Variants in ADAMTSL1 observed in about 807,000 individuals in gnomAD.
ADAMTSL1 encodes the protein ADAMTS-like protein 1.
Under a neutral mutation model 201.8 loss-of-function variants are expected in ADAMTSL1, and 126 were observed. The ratio of observed to expected loss-of-function variants is 0.62; its 90% CI spans 0.54 to 0.72. ADAMTSL1 has a LOEUF of 0.72. Among genes scored for constraint, ADAMTSL1 ranks in the 30% least tolerant of loss-of-function variants. ADAMTSL1 has a pLI of 0.00. For synonymous variants in ADAMTSL1, 1,121 were observed against 903.4 expected, an observed-to-expected ratio of 1.24 and a Z score of -4.32; for missense variants, 2,679 against 2,277.8, an observed-to-expected ratio of 1.18 and a Z score of -3.59.
intron 1 of ADAMTSL1, among the ~76,000 whole-genome samples, chr9:17,969,326 A>G (rs917381273): frequency 6.6e-6 from 1 of 152,068 alleles, no homozygotes; most frequent in African/African-American, 2.4e-5. Flanking sequence ...CTTCCTCAGC[A>G]GTGAGTACAA....
intron 16 of ADAMTSL1, among the ~76,000 whole-genome samples, chr9:18,757,299 A>ATCC (rs141290322): frequency 0.013 from 1,893 of 151,012 alleles, 20 homozygotes; most frequent in Middle Eastern, 0.051. Context: ...ACTCATCATC[A>ATCC]TCCTCCTCCT....
chr9:18,538,673 A>T (rs13301259), intron 3 of ADAMTSL1, among the ~76,000 whole-genome samples: 1 of 151,932 alleles, frequency 6.6e-6, no homozygotes, highest in Non-Finnish European at 1.5e-5. Context: ...TTGACCATCC[A>T]TCTTGACTGG....
At chr9:18,785,918 C>T (rs1821682674) in intron 19 of ADAMTSL1, among the ~76,000 whole-genome samples, 1 of 152,128 alleles carries the variant, frequency 6.6e-6, no homozygotes, top group Non-Finnish European at 1.5e-5. Flanking sequence ...TTGATCATTC[C>T]CCCAAGAAAC....
chr9:18,644,210 T>C (rs193044343), intron 7 of ADAMTSL1, among the ~76,000 whole-genome samples: 79 of 152,096 alleles, frequency 5.2e-4, no homozygotes, highest in Admixed American at 3.2e-3. Context: ...TTGATGTTTA[T>C]ATGTTGATTT....
At position 18,240,772 on chromosome 9, in the gene ADAMTSL1, A is replaced by G. The variant is rs558623510; in HGVS notation, c.207+76791A>G. Among the ~76,000 whole-genome samples the G allele has an allele frequency of 6.0e-4, 91 of 152,334 alleles. 1 individual carries two copies. In the Middle Eastern group the frequency reaches 0.014, roughly 23 times the overall value. ...TCTGTTGTCTAGTGCAGCCTCCTTC[A>G]TCAGTGATCTTAGTTAGATCTTCTG... On this transcript the variant is annotated intron_variant, in intron 2 of 29. Transcript: ENST00000680146.
chr9:18,680,871 G>T, intron 11 of ADAMTSL1: 1 of 281,384 alleles, frequency 3.6e-6, no homozygotes, highest in African/African-American at 2.2e-5. Flanking sequence ...CCAGAAGTTT[G>T]ATTTCATTTT....
At chr9:18,904,574 C>T (rs1036087541) in intron 26 of ADAMTSL1, among the ~76,000 whole-genome samples, 1 of 124,616 alleles carries the variant, frequency 8.0e-6, no homozygotes. Context: ...GTGAAGGCTG[C>T]AGTGAGCTGA....
At chr9:18,128,492 A>G (rs983463451) in intron 1 of ADAMTSL1, among the ~76,000 whole-genome samples, 1 of 152,092 alleles carries the variant, frequency 6.6e-6, no homozygotes, top group Non-Finnish European at 1.5e-5. Context: ...TCTACCGAGT[A>G]GCTGGGACTA....
At chr9:18,355,778 G>A (rs1466227269) in intron 2 of ADAMTSL1, among the ~76,000 whole-genome samples, 1 of 152,206 alleles carries the variant, frequency 6.6e-6, no homozygotes, top group Non-Finnish European at 1.5e-5. Flanking sequence ...AGGCCAAGGT[G>A]GGAGGACTGC....
intron 23 of ADAMTSL1, among the ~76,000 whole-genome samples, chr9:18,853,916 T>TGTGTGTGTGTGTGTGCGC (rs1554648765): frequency 1.6e-5 from 2 of 122,668 alleles, no homozygotes; most frequent in African/African-American, 2.8e-5. Flanking sequence ...TGTGTGTGTG[T>TGTGTGTGTGTGTGTGCGC]GTGCGCGTGC....
In ADAMTSL1 at chr9:18,082,145, C is replaced by G. The variant is rs1823524590; in HGVS notation, c.88-81717C>G. The stretch of plus-strand genomic sequence containing the variant: ...TCTTTAATGTTGAAAATTGTATTCA[C>G]ATTTTTTTGGACAGCAGGTTTATAT... On this transcript the variant is annotated intron_variant, in intron 1 of 29. Transcript: ENST00000680146. Among the ~76,000 whole-genome samples, 3 of 152,132 alleles carry G rather than the reference C, an allele frequency of 2.0e-5. 1 individual carries two copies. Among genetic ancestry groups the G allele is most frequent in the Admixed American group, 2.0e-4 (3 of 15,284 alleles).
At chr9:18,589,352 C>G (rs55906334) in intron 4 of ADAMTSL1, among the ~76,000 whole-genome samples, 322 of 151,982 alleles carry the variant, frequency 2.1e-3, no homozygotes, top group African/African-American at 7.5e-3. Flanking sequence ...AATGGGATTG[C>G]TTTCTTGATT....
intron 7 of ADAMTSL1, among the ~76,000 whole-genome samples, chr9:18,647,297 C>G (rs1208099720): frequency 4.6e-5 from 7 of 151,680 alleles, no homozygotes; most frequent in South Asian, 2.1e-4. Flanking sequence ...TATTAGTCTT[C>G]CTAGTGGTCT....
intron 1 of ADAMTSL1, among the ~76,000 whole-genome samples, chr9:18,048,633 T>G (rs1821781220): frequency 6.6e-6 from 1 of 152,234 alleles, no homozygotes; most frequent in South Asian, 2.1e-4. Context: ...AATCTAAAAT[T>G]ATTCTAAAAT....
At position 18,835,543 on chromosome 9, in the gene ADAMTSL1, G is replaced by A. The variant is rs534505290; in HGVS notation, c.4249+5566G>A. ...TTTATTTTAGATTCAGGAGGTACACGTGCAGGTGTGTTACATGGGTATATT... is the reference window on the plus strand; with the variant it reads ...TTTATTTTAGATTCAGGAGGTACACATGCAGGTGTGTTACATGGGTATATT... On this transcript the variant is annotated intron_variant, in intron 23 of 28. Coordinates refer to ENST00000380548, the MANE Select transcript of ADAMTSL1 (RefSeq NM_001040272.6). Among the ~76,000 whole-genome samples the A allele has an allele frequency of 2.0e-5, 3 of 152,072 alleles. 1 individual carries two copies. The highest frequency in any genetic ancestry group is 1.9e-4 in the East Asian group (1 of 5,184).
chr9:18,906,800 G>C lies in ADAMTSL1; in HGVS notation c.5070G>C (p.Arg1690=). Residue 1690 remains arginine, a synonymous_variant, in exon 28 of 29, where the codon CGG becomes CGC. Transcript: ENST00000380548. ...ATCGNYGFQS[R]RVECVHARTN... ...GTGGCAACTACGGCTTCCAGTCCCG[G>C]CGTGTGGAGTGTGTGCATGCCCGCA... 6.2e-7 allele frequency: 1 copy of C among 1,614,022 alleles called. No individual in the cohort carries two copies. Among genetic ancestry groups the C allele is most frequent in the Non-Finnish European group, 8.5e-7 (1 of 1,179,900 alleles).
intron 1 of ADAMTSL1, among the ~76,000 whole-genome samples, chr9:18,054,638 G>T (rs1278918536): frequency 6.6e-6 from 1 of 152,204 alleles, no homozygotes; most frequent in Admixed American, 6.5e-5. Context: ...CCAGTTTACA[G>T]TTAAAGGGAC....
chr9:18,324,140 A>C, intron 2 of ADAMTSL1, among the ~76,000 whole-genome samples: 1 of 152,238 alleles, frequency 6.6e-6, no homozygotes, highest in East Asian at 1.9e-4. Flanking sequence ...AATGAAGCAG[A>C]ATTGAGACCA....
At chr9:18,446,208 T>C (rs896236765) in intron 2 of ADAMTSL1, among the ~76,000 whole-genome samples, 1 of 152,180 alleles carries the variant, frequency 6.6e-6, no homozygotes, top group Non-Finnish European at 1.5e-5. Flanking sequence ...TCTTTTAGGA[T>C]TGACGTTCCA....
Sources: allele counts gnomAD v4.1 joint callset (sites outside exome capture counted in the v4.1 genomes callset), GRCh38; gene constraint gnomAD v4.1.1; transcripts MANE v1.5; gene names NCBI Gene and HGNC (gene_info 2026-07-23, HGNC 2026-07-21).